The following SDF4 variants were observed in gnomAD, a reference collection of about 807,000 sequenced individuals.
The protein encoded by SDF4 is stromal cell derived factor 4.
In SDF4, 22 loss-of-function variants were observed where a neutral mutation model predicts 34.2. That is an observed-to-expected ratio of 0.64 (90% CI 0.46 to 0.92). SDF4 has a LOEUF of 0.92. Among genes scored for constraint, SDF4 ranks in the 40% least tolerant of loss-of-function variants. The pLI is 0.00. For synonymous variants in SDF4, 236 were observed against 203.1 expected (o/e 1.16, Z -1.38); for missense variants, 447 against 499.9 (o/e 0.89, Z 1.01).
chr1:1,223,790 G>GCCCCCC, intron 3 of SDF4, 42 bp downstream of exon 3: 2 of 190,886 alleles, frequency 1.0e-5, no homozygotes, highest in Non-Finnish European at 1.8e-5. Flanking sequence ...GGCCCTGCCC[G>GCCCCCC]CCCCGCCCAC....
At chr1:1,220,312 G>C in intron 4 of SDF4, 1 of 1,095,038 alleles carries the variant, frequency 9.1e-7, no homozygotes, top group South Asian at 2.4e-5. Context: ...CGATGGAGGC[G>C]GGGGAAGGGA....
At chr1:1,219,795 C>T (rs1361296742) in intron 4 of SDF4, 3 of 985,826 alleles carry the variant, frequency 3.0e-6, no homozygotes, top group Non-Finnish European at 3.6e-6. Flanking sequence ...TGTTGAGGCC[C>T]ACACTCAGCC....
At chr1:1,226,648 C>T (rs1389463344) in intron 2 of SDF4, among the ~76,000 whole-genome samples, 1 of 152,228 alleles carries the variant, frequency 6.6e-6, no homozygotes, top group Non-Finnish European at 1.5e-5. Flanking sequence ...ACACCCACAG[C>T]GGCCGCTGTC....
In SDF4 at chr1:1,218,669, T is replaced by C. The variant is rs1264826425; in HGVS notation, c.716-36A>G. On this transcript the variant is annotated intron_variant, in intron 5 of 6. Coordinates refer to ENST00000360001, the MANE Select transcript of SDF4 (RefSeq NM_016176.6). This position sits in a 1 kb window ranked among gnomAD's most constrained non-coding sequence, Gnocchi z 7.9. ...GGAATGGGTCAGCCCACACCCAGGC[T>C]GGGGCTCCCGCAGGACCTGCCCCGA... 6.2e-7 allele frequency: 1 copy of C among 1,612,770 alleles called. No homozygotes were observed.
At chr1:1,220,685 G>T in intron 4 of SDF4, 2 of 1,289,208 alleles carry the variant, frequency 1.6e-6, no homozygotes, top group South Asian at 2.5e-5. Context: ...GTAGACGGAG[G>T]CTTCACAGAA....
rs1031990192 is a variant in SDF4 at position 1,217,433 on chromosome 1, G to C, written c.*79C>G. The C allele has an allele frequency of 1.2e-5, 15 of 1,253,330 alleles. No individual in the cohort carries two copies. The highest frequency in any genetic ancestry group is 3.1e-4 in the Middle Eastern group (1 of 3,270). The allele number at this position is 1,253,330 out of a possible 1,614,324, so 77.6% of individuals were successfully genotyped here. A position where few individuals can be genotyped will look rare whatever the true frequency, so the allele number is the denominator to read the frequency against. ...GGCGGCAGGGAAGAGGTGGGGTCCGGGACAGCCACGGAGCCCGGAGTCACC... is the reference window on the plus strand; with the variant it reads ...GGCGGCAGGGAAGAGGTGGGGTCCGCGACAGCCACGGAGCCCGGAGTCACC... On this transcript the variant is annotated 3_prime_UTR_variant, in exon 7 of 7. Transcript: ENST00000360001. This position sits in a 1 kb window ranked among gnomAD's most constrained non-coding sequence, Gnocchi z 8.5.
chr1:1,231,321 AGCTTAGGCAGAGAC>A (rs1638486102), intron 1 of SDF4, among the ~76,000 whole-genome samples: 2 of 152,360 alleles, frequency 1.3e-5, no homozygotes, highest in African/African-American at 4.8e-5. Flanking sequence ...CGTGGGAAAC[AGCTTAGGCAGAGAC>A]GCTATTTCTT....
At chr1:1,220,125 A>AGCC (rs1314954272) in intron 4 of SDF4, 15 of 986,976 alleles carry the variant, frequency 1.5e-5, no homozygotes, top group Non-Finnish European at 1.8e-5. Context: ...GGATTCTCAC[A>AGCC]GCCGCCGCCG....
At chr1:1,225,588 G>A (rs1258121591) in intron 2 of SDF4, among the ~76,000 whole-genome samples, 1 of 152,212 alleles carries the variant, frequency 6.6e-6, no homozygotes, top group African/African-American at 2.4e-5. Context: ...AAAACACACC[G>A]GCTGGGGACG....
In SDF4 at chr1:1,220,794, G is replaced by GCGGGCA. The variant is rs527805196; in HGVS notation, c.557-1873_557-1868dup. On this transcript the variant is annotated intron_variant, in intron 4 of 6. Coordinates refer to ENST00000360001, the MANE Select transcript of SDF4 (RefSeq NM_016176.6). ...AGACAGACACAATCAGAGTTGGGGG[G>GCGGGCA]CGGGCACGGGCAAGGCCTCCTGCCC... is the stretch of plus-strand genomic sequence containing the variant. 1.3e-4 allele frequency: 171 copies of GCGGGCA among 1,278,168 alleles called. 2 individuals are homozygous for GCGGGCA. The East Asian group carries it at 7.5e-3, about 56-fold the overall frequency. The allele number at this position is 1,278,168 out of a possible 1,614,324, so 79.2% of individuals were successfully genotyped here.
intron 4 of SDF4, chr1:1,219,912 T>C: frequency 1.0e-6 from 1 of 984,096 alleles, no homozygotes; most frequent in Non-Finnish European, 1.2e-6. Flanking sequence ...CGTCCCATCT[T>C]ATCCCTTTCT....
intron 1 of SDF4, among the ~76,000 whole-genome samples, chr1:1,229,789 T>C (rs926335519): frequency 2.0e-5 from 3 of 151,788 alleles, no homozygotes; most frequent in African/African-American, 7.3e-5. Context: ...AACAGGAGGC[T>C]CCCCCTCTCC....
chr1:1,221,163 T>C, intron 4 of SDF4: 1 of 205,624 alleles, frequency 4.9e-6, no homozygotes, highest in Non-Finnish European at 1.0e-5. Context: ...GTACGTGAAC[T>C]GGGAAAAGAG....
At chr1:1,231,140 G>C (rs972156305) in intron 1 of SDF4, among the ~76,000 whole-genome samples, 2 of 152,224 alleles carry the variant, frequency 1.3e-5, no homozygotes, top group Non-Finnish European at 2.9e-5. Context: ...TAAATATCAG[G>C]AGTCCATCAA....
chr1:1,230,788 C>T (rs1203466079), intron 1 of SDF4, among the ~76,000 whole-genome samples: 1 of 152,204 alleles, frequency 6.6e-6, no homozygotes, highest in Non-Finnish European at 1.5e-5. Flanking sequence ...AGGGCTTTTC[C>T]CTTCCCTAGT....
intron 4 of SDF4, chr1:1,221,015 G>T (rs576919403): frequency 2.9e-6 from 1 of 348,382 alleles, no homozygotes; most frequent in African/African-American, 2.1e-5. Context: ...GGCATGCTGG[G>T]AGGCTGCGGC....
At chr1:1,227,432 G>C (rs960732049) in intron 2 of SDF4, 1 of 119,650 alleles carries the variant, frequency 8.4e-6, no homozygotes, top group Non-Finnish European at 1.8e-5. Context: ...CTCGTGGCCA[G>C]GCCCTGCGGG....
In SDF4 at chr1:1,228,610, G is replaced by T; in HGVS notation, c.163C>A (p.Leu55Met). The stretch of plus-strand genomic sequence containing the variant: ...TCCATCTCCAGCTTCACCCCGTTCA[G>T]GTGGTCTGGGGGCAGGATCTCATTC... The part of the protein sequence containing the change: ...EENEILPPDH[L>M]NGVKLEMDGH... Residue 55 changes from leucine to methionine, a missense_variant, in exon 2 of 7, where the codon CTG becomes ATG. Leu to Met is a conservative substitution (Grantham distance 15). Coordinates refer to ENST00000360001, the MANE Select transcript of SDF4 (RefSeq NM_016176.6). The T allele has an allele frequency of 6.2e-7, 1 of 1,613,284 alleles. No individual in the cohort carries two copies. Among genetic ancestry groups the T allele is most frequent in the Non-Finnish European group, 8.5e-7 (1 of 1,180,026 alleles).
chr1:1,219,852 A>T (rs1649812275), intron 4 of SDF4: 1 of 985,826 alleles, frequency 1.0e-6, no homozygotes, highest in East Asian at 1.1e-4. Context: ...CCCCTGCCAC[A>T]AGCCCGGCAG....
Sources: gnomAD v4.1 joint callset for allele counts (sites outside exome capture counted in the v4.1 genomes callset) on GRCh38, gnomAD v4.1.1 for gene constraint, Gnocchi (gnomAD v3.1) non-coding constraint, MANE v1.5 for transcripts, NCBI Gene and HGNC (gene_info 2026-07-23, HGNC 2026-07-21) for gene names.